NKAIN2: variants seen among roughly 807,000 people sequenced by gnomAD.
NKAIN2 encodes sodium/potassium-transporting ATPase subunit beta-1-interacting protein 2.
A neutral mutation model predicts 32.6 loss-of-function variants in NKAIN2; 14 were observed. The ratio of observed to expected loss-of-function variants is 0.43; its 90% CI spans 0.28 to 0.67. The LOEUF is 0.67. NKAIN2 is among the 30% of genes least tolerant of loss of function. The probability of loss-of-function intolerance (pLI) is 0.17; values close to 1 mark genes in which losing one functional copy is unlikely to be tolerated. For missense variants in NKAIN2, 198 were observed against 258.3 expected, an observed-to-expected ratio of 0.77 and a Z score of 1.60; for synonymous variants, 80 against 87.2, an observed-to-expected ratio of 0.92 and a Z score of 0.46.
At chr6:124,777,856 T>C (rs987838963) in intron 4 of NKAIN2, among the ~76,000 whole-genome samples, 3 of 152,058 alleles carry the variant, frequency 2.0e-5, no homozygotes, top group African/African-American at 7.2e-5. Context: ...TGAGGCTAAT[T>C]ACAGAATTCA....
At chr6:124,094,228 A>C (rs538468399) in intron 1 of NKAIN2, among the ~76,000 whole-genome samples, 1 of 152,284 alleles carries the variant, frequency 6.6e-6, no homozygotes, top group African/African-American at 2.4e-5. Flanking sequence ...CTGGAGAATT[A>C]GAGATTTGTT....
chr6:124,476,047 T>A (rs929796603), intron 3 of NKAIN2, among the ~76,000 whole-genome samples: 4 of 138,698 alleles, frequency 2.9e-5, no homozygotes, highest in African/African-American at 1.1e-4. Flanking sequence ...AGTGTGTGTG[T>A]GAGAGAGAGA....
At chr6:124,121,142 C>A (rs1377376498) in intron 1 of NKAIN2, among the ~76,000 whole-genome samples, 1 of 152,050 alleles carries the variant, frequency 6.6e-6, no homozygotes, top group Non-Finnish European at 1.5e-5. Context: ...CCTAAACTCC[C>A]TTTGAACTCA....
At chr6:124,439,990 G>C (rs1427341287) in intron 3 of NKAIN2, among the ~76,000 whole-genome samples, 1 of 152,004 alleles carries the variant, frequency 6.6e-6, no homozygotes, top group Admixed American at 6.6e-5. Flanking sequence ...AGCAAATTTG[G>C]GTAGAGAACT....
chr6:124,342,299 C>A (rs1277973518), intron 2 of NKAIN2, among the ~76,000 whole-genome samples: 1 of 150,760 alleles, frequency 6.6e-6, no homozygotes, highest in Non-Finnish European at 1.5e-5. Context: ...GTCCCAGCTA[C>A]TCAGGAGGCT....
At chr6:124,756,662 TAGAA>T (rs1777982960) in intron 4 of NKAIN2, among the ~76,000 whole-genome samples, 3 of 146,598 alleles carry the variant, frequency 2.0e-5, no homozygotes, top group Non-Finnish European at 4.5e-5. Flanking sequence ...TTAAAAAAAA[TAGAA>T]AGAAGGCAAC....
intron 3 of NKAIN2, among the ~76,000 whole-genome samples, chr6:124,411,223 T>G (rs1774161331): frequency 6.6e-6 from 1 of 152,126 alleles, no homozygotes; most frequent in African/African-American, 2.4e-5. Context: ...ATCCTGTCAT[T>G]ATGATGTTAG....
intron 4 of NKAIN2, among the ~76,000 whole-genome samples, chr6:124,663,830 T>C (rs1772621411): frequency 6.6e-6 from 1 of 152,196 alleles, no homozygotes; most frequent in Non-Finnish European, 1.5e-5. Context: ...TAAATAATTA[T>C]GTAAACTGTG....
chr6:124,233,079 T>G (rs1273647420), intron 1 of NKAIN2, among the ~76,000 whole-genome samples: 1 of 152,034 alleles, frequency 6.6e-6, no homozygotes, highest in Non-Finnish European at 1.5e-5. Context: ...AAATAATTAT[T>G]TGGGCTACAG....
chr6:124,730,407 A>G lies in NKAIN2; in HGVS notation c.475-60932A>G, dbSNP rs923699160. Among the ~76,000 whole-genome samples the G allele has an allele frequency of 9.4e-5, 9 of 95,942 alleles. 3 individuals are homozygous for G. Among genetic ancestry groups the G allele is most frequent in the African/African-American group, 3.3e-4 (8 of 24,452 alleles). The allele number at this position is 95,942 out of a possible 152,430, so 62.9% of individuals were successfully genotyped here. ...ACAGAGCCCTCAGAAATAACGCCGC[A>G]TATCTAAAACTATCTGATCTTTGAC... On this transcript the variant is annotated intron_variant, in intron 4 of 6. Coordinates refer to ENST00000368417, the MANE Select transcript of NKAIN2 (RefSeq NM_001040214.3).
At chr6:124,014,032 C>T (rs1382103642) in intron 1 of NKAIN2, among the ~76,000 whole-genome samples, 1 of 152,102 alleles carries the variant, frequency 6.6e-6, no homozygotes, top group Non-Finnish European at 1.5e-5. Context: ...TTCTTTAAGC[C>T]ACTAGGTGTG....
At position 124,439,358 on chromosome 6, in the gene NKAIN2, G is replaced by T. The variant is rs997417868; in HGVS notation, c.273+84011G>T. ...AAATCTCTCAATCTATCCACTTGTT[G>T]TTTTTTTTTTTTATCTCCATGAAAC... On this transcript the variant is annotated intron_variant, in intron 3 of 6. Transcript: ENST00000368417. 4.8e-5 allele frequency among the ~76,000 whole-genome samples: 7 copies of T among 146,576 alleles called. No individual in the cohort carries two copies. In the East Asian group the frequency reaches 6.0e-4, roughly 13 times the overall value.
At chr6:123,960,550 G>A (rs1157549921) in intron 1 of NKAIN2, among the ~76,000 whole-genome samples, 1 of 151,610 alleles carries the variant, frequency 6.6e-6, no homozygotes, top group African/African-American at 2.4e-5. Context: ...TTGAAGGAAA[G>A]TCTTCACATG....
intron 1 of NKAIN2, among the ~76,000 whole-genome samples, chr6:124,263,945 C>A (rs539427582): frequency 6.6e-6 from 1 of 152,080 alleles, no homozygotes; most frequent in Non-Finnish European, 1.5e-5. Flanking sequence ...TTTTGAAGCA[C>A]CTATCAGATA....
chr6:124,351,044 A>G (rs765631132), intron 2 of NKAIN2, among the ~76,000 whole-genome samples: 16 of 152,198 alleles, frequency 1.1e-4, no homozygotes, highest in Non-Finnish European at 4.4e-5. Flanking sequence ...ATAAAACAAG[A>G]CATAGAAAAT....
chr6:124,476,512 G>A (rs911312702), intron 3 of NKAIN2, among the ~76,000 whole-genome samples: 1 of 151,432 alleles, frequency 6.6e-6, no homozygotes, highest in African/African-American at 2.4e-5. Context: ...ATTTGCTAAA[G>A]CAATCAGAAG....
intron 4 of NKAIN2, among the ~76,000 whole-genome samples, chr6:124,729,794 G>T (rs1193994384): frequency 6.6e-6 from 1 of 151,882 alleles, no homozygotes; most frequent in African/African-American, 2.4e-5. Flanking sequence ...TGACATGATT[G>T]TATATCTAGA....
intron 1 of NKAIN2, chr6:124,121,954 G>T (rs543932817): frequency 2.7e-6 from 3 of 1,101,136 alleles, no homozygotes; most frequent in Non-Finnish European, 3.6e-6. Context: ...GAGTTTTTCA[G>T]AGTAATATTT....
At chr6:124,534,269 G>T (rs1372953896) in intron 3 of NKAIN2, among the ~76,000 whole-genome samples, 1 of 152,002 alleles carries the variant, frequency 6.6e-6, no homozygotes, top group Non-Finnish European at 1.5e-5. Flanking sequence ...TTATGCCTCA[G>T]CCTCTTGAGT....
Sources: gnomAD v4.1 joint callset for allele counts (sites outside exome capture counted in the v4.1 genomes callset) on GRCh38, gnomAD v4.1.1 for gene constraint, MANE v1.5 for transcripts, NCBI Gene and HGNC (gene_info 2026-07-23, HGNC 2026-07-21) for gene names.